Variants in SOHLH2 observed in about 807,000 individuals in gnomAD.
SOHLH2 encodes the protein spermatogenesis and oogenesis specific basic helix-loop-helix 2.
SOHLH2 carries 22 observed loss-of-function variants against 50.4 expected under a neutral mutation model. The ratio of observed to expected loss-of-function variants is 0.44; its 90% confidence interval spans 0.31 to 0.62. The LOEUF (loss-of-function observed/expected upper bound fraction) is 0.62, where lower values mean the gene tolerates loss of function less well. SOHLH2 is among the 20% of genes least tolerant of loss of function. The pLI, the probability that SOHLH2 is intolerant of heterozygous loss-of-function variation, is 0.08. For missense variants in SOHLH2, 412 were observed against 504.4 expected, an observed-to-expected ratio of 0.82 and a Z score of 1.76; for synonymous variants, 185 against 187.3, an observed-to-expected ratio of 0.99 and a Z score of 0.10.
chr13:36,190,105 G>A, intron 5 of SOHLH2, 49 bp from the exon 6 acceptor site: 2 of 1,546,222 alleles, frequency 1.3e-6, no homozygotes, highest in Non-Finnish European at 1.8e-6. Flanking sequence ...AAAATTGTCG[G>A]GCAAAATTAA....
chr13:36,170,809 A>G, intron 9 of SOHLH2, 22 bp from the exon 10 acceptor site: 4 of 1,606,800 alleles, frequency 2.5e-6, no homozygotes, highest in Non-Finnish European at 3.4e-6. Flanking sequence ...AAGAAAACAA[A>G]TATGGGTCAG....
At chr13:36,179,715 A>T (rs187219289) in intron 6 of SOHLH2, among the ~76,000 whole-genome samples, 11 of 152,158 alleles carry the variant, frequency 7.2e-5, no homozygotes, top group Admixed American at 5.9e-4. Context: ...GCCAAGCCCA[A>T]TTGGTTGATT....
chr13:36,194,061 C>T lies in SOHLH2; in HGVS notation c.264-194G>A, dbSNP rs1449099115. Among the ~76,000 whole-genome samples the T allele has an allele frequency of 4.0e-5, 6 of 150,160 alleles. No individual in the cohort carries two copies. In the East Asian group the frequency reaches 9.8e-4, roughly 24 times the overall value. ...TGAGGAAAGAGATGAATCACTTTTT[C>T]TTAAAAATGAAAAAAAAAAGCCTAA... On this transcript the variant is annotated intron_variant, in intron 2 of 10. Transcript: ENST00000379881.
At chr13:36,210,299 C>G (rs1869036620) in intron 1 of SOHLH2, among the ~76,000 whole-genome samples, 1 of 152,162 alleles carries the variant, frequency 6.6e-6, no homozygotes, top group African/African-American at 2.4e-5. Context: ...TTGTTTCTGT[C>G]AACATTGAGC....
chr13:36,173,823 G>GA lies in SOHLH2; in HGVS notation c.882-14dup. 1.2e-6 allele frequency: 2 copies of GA among 1,613,552 alleles called. No individual in the cohort carries two copies. The highest frequency in any genetic ancestry group is 1.3e-5 in the African/African-American group (1 of 75,030). ...CACACTGTTTTCCCTTGAAAGGACAGAAAAAATTATTTGCACATTTTTCAA... is the reference window on the plus strand; with the variant it reads ...CACACTGTTTTCCCTTGAAAGGACAGAAAAAAATTATTTGCACATTTTTCAA... On this transcript the variant is annotated splice_polypyrimidine_tract_variant and intron_variant, in intron 8 of 10. Coordinates refer to ENST00000379881, the MANE Select transcript of SOHLH2 (RefSeq NM_017826.3).
chr13:36,210,578 T>A (rs1869058582), intron 1 of SOHLH2, among the ~76,000 whole-genome samples: 1 of 152,194 alleles, frequency 6.6e-6, no homozygotes, highest in Non-Finnish European at 1.5e-5. Flanking sequence ...CCATGATATT[T>A]ACTTGAAGGA....
At chr13:36,178,884 CATA>C (rs145374408) in intron 6 of SOHLH2, among the ~76,000 whole-genome samples, 5,426 of 147,716 alleles carry the variant, frequency 0.037, 107 homozygotes, top group South Asian at 0.11. Flanking sequence ...CTTTAAATGT[CATA>C]ATATTTATAT....
Position 36,170,747 on chromosome 13 carries a change from T to C in SOHLH2, c.1041A>G (p.Pro347=), listed in dbSNP as rs757557500. The part of the protein sequence containing the change: ...SSASENAIGD[P]YKTHISSAAL... ...CTGCACTGGAAATGTGAGTTTTATA[T>C]GGATCACCAATAGCATTCTCTGAGG... The change falls in exon 10 of 11, where the codon CCA becomes CCG. Residue 347 remains proline, a synonymous_variant. Coordinates refer to ENST00000379881, the MANE Select transcript of SOHLH2 (RefSeq NM_017826.3). 1.9e-5 allele frequency: 31 copies of C among 1,614,090 alleles called. 1 individual carries two copies. Among genetic ancestry groups the C allele is most frequent in the Non-Finnish European group, 2.5e-5 (30 of 1,180,038 alleles).
At chr13:36,185,100 C>T (rs2138286794) in intron 6 of SOHLH2, among the ~76,000 whole-genome samples, 1 of 152,298 alleles carries the variant, frequency 6.6e-6, no homozygotes, top group African/African-American at 2.4e-5. Context: ...AGGACATGAA[C>T]TCATTCTTTG....
chr13:36,209,957 G>A (rs952617867), intron 1 of SOHLH2, among the ~76,000 whole-genome samples: 10 of 152,116 alleles, frequency 6.6e-5, no homozygotes, highest in Non-Finnish European at 1.5e-4. Flanking sequence ...AAAGGCTGGC[G>A]CCAGCTAATT....
intron 1 of SOHLH2, 125 bp downstream of exon 1, chr13:36,214,354 G>T: frequency 8.4e-7 from 1 of 1,187,928 alleles, no homozygotes; most frequent in Non-Finnish European, 1.2e-6. Flanking sequence ...CCTGCTATTC[G>T]CTCCCCACAG....
At chr13:36,191,104 C>A (rs972174762) in intron 5 of SOHLH2, among the ~76,000 whole-genome samples, 1 of 152,096 alleles carries the variant, frequency 6.6e-6, no homozygotes, top group South Asian at 2.1e-4. Flanking sequence ...GGAAGAAATT[C>A]ACAAAAATTG....
intron 2 of SOHLH2, among the ~76,000 whole-genome samples, chr13:36,195,386 C>G (rs1887695190): frequency 6.6e-6 from 1 of 152,058 alleles, no homozygotes; most frequent in Admixed American, 6.5e-5. Context: ...TGAGAAGGTA[C>G]AAGATGTCCA....
intron 1 of SOHLH2, among the ~76,000 whole-genome samples, chr13:36,213,334 C>A (rs555936778): frequency 1.3e-5 from 2 of 152,282 alleles, no homozygotes; most frequent in East Asian, 3.9e-4. Flanking sequence ...GTTCCTCTAT[C>A]TTGAAAAATT....
chr13:36,183,954 C>T (rs1238038547), intron 6 of SOHLH2, among the ~76,000 whole-genome samples: 5 of 151,946 alleles, frequency 3.3e-5, no homozygotes, highest in Non-Finnish European at 5.9e-5. Context: ...AAAACTTAAC[C>T]CTCAAAAAAT....
At chr13:36,214,283 C>T (rs1291188113) in intron 1 of SOHLH2, among the ~76,000 whole-genome samples, 196 bp downstream of exon 1, 4 of 152,088 alleles carry the variant, frequency 2.6e-5, no homozygotes, top group Non-Finnish European at 5.9e-5. Flanking sequence ...GAAGCCGGGT[C>T]GGCGCTTCCC....
chr13:36,199,374 C>T (rs1358738662), intron 2 of SOHLH2, among the ~76,000 whole-genome samples: 1 of 152,078 alleles, frequency 6.6e-6, no homozygotes, highest in Non-Finnish European at 1.5e-5. Flanking sequence ...AGCAAAAAAG[C>T]TAGAAGGCAT....
chr13:36,184,460 C>CTTTTTTTTTTTTTTTTTTTTTTTTTTTT lies in SOHLH2; in HGVS notation c.641+5485_641+5486insAAAAAAAAAAAAAAAAAAAAAAAAAAAA, dbSNP rs1229884029. Among the ~76,000 whole-genome samples, 151 of 121,090 alleles carry CTTTTTTTTTTTTTTTTTTTTTTTTTTTT rather than the reference C, an allele frequency of 1.2e-3. 15 individuals carry two copies. The highest frequency in any genetic ancestry group is 5.0e-3 in the Middle Eastern group (1 of 200). The allele number at this position is 121,090 out of a possible 152,430, so 79.4% of individuals were successfully genotyped here. A position where few individuals can be genotyped will look rare whatever the true frequency, so the allele number is the denominator to read the frequency against. ...GATGGAAGTTTCTACCTACAAAGAC[C>CTTTTTTTTTTTTTTTTTTTTTTTTTTTT]TTTTTTTTTTTTTTTTTTTGAGACG... On this transcript the variant is annotated intron_variant, in intron 6 of 10. Coordinates refer to ENST00000379881, the MANE Select transcript of SOHLH2 (RefSeq NM_017826.3).
intron 1 of SOHLH2, among the ~76,000 whole-genome samples, chr13:36,208,441 C>T (rs1465722471): frequency 6.6e-6 from 1 of 152,054 alleles, no homozygotes; most frequent in Non-Finnish European, 1.5e-5. Flanking sequence ...ACTTTGGCCG[C>T]CAAAATTTCA....
Sources: gnomAD v4.1 joint callset for allele counts (sites outside exome capture counted in the v4.1 genomes callset) on GRCh38, gnomAD v4.1.1 for gene constraint, MANE v1.5 for transcripts, NCBI Gene and HGNC (gene_info 2026-07-23, HGNC 2026-07-21) for gene names.